ADGRB3: variants seen among roughly 807,000 people sequenced by gnomAD.
ADGRB3 encodes adhesion G protein-coupled receptor B3.
ADGRB3 carries 37 observed loss-of-function variants against 193.4 expected under a neutral mutation model. The ratio of observed to expected loss-of-function variants is 0.19; its 90% CI spans 0.15 to 0.25. The LOEUF (loss-of-function observed/expected upper bound fraction) is 0.25, where lower values mean the gene tolerates loss of function less well. Among genes scored for constraint, ADGRB3 ranks in the 10% least tolerant of loss-of-function variants. ADGRB3 has a pLI of 1.00. For missense variants in ADGRB3, 1,637 were observed against 1,852.9 expected, an observed-to-expected ratio of 0.88 and a Z score of 2.14; for synonymous variants, 690 against 644.2, an observed-to-expected ratio of 1.07 and a Z score of -1.08.
At chr6:68,738,142 G>T (rs988881515) in intron 3 of ADGRB3, among the ~76,000 whole-genome samples, 1 of 152,084 alleles carries the variant, frequency 6.6e-6, no homozygotes, top group Non-Finnish European at 1.5e-5. Context: ...AGAAGAAATG[G>T]CAAATGCAAA....
At chr6:68,793,997 T>C (rs1767160372) in intron 3 of ADGRB3, among the ~76,000 whole-genome samples, 2 of 152,188 alleles carry the variant, frequency 1.3e-5, no homozygotes, top group African/African-American at 4.8e-5. Flanking sequence ...TTTCCACTGC[T>C]GCTTTCTCAA....
chr6:68,651,516 T>C (rs529109978), intron 3 of ADGRB3, among the ~76,000 whole-genome samples: 7 of 152,310 alleles, frequency 4.6e-5, no homozygotes, highest in African/African-American at 1.7e-4. Context: ...TACATGTGCT[T>C]GCCTCTGGCC....
intron 17 of ADGRB3, among the ~76,000 whole-genome samples, chr6:69,094,760 T>C (rs777761041): frequency 7.2e-5 from 11 of 152,216 alleles, no homozygotes; most frequent in Non-Finnish European, 1.5e-4. Context: ...TCTAGTCAGA[T>C]AATGTCATTT....
chr6:69,389,355 C>A lies in ADGRB3; in HGVS notation c.*464C>A, dbSNP rs1298987692. The A allele has an allele frequency of 6.5e-6, 1 of 152,892 alleles. No individual in the cohort carries two copies. Among genetic ancestry groups the A allele is most frequent in the Non-Finnish European group, 1.5e-5 (1 of 68,262 alleles). 9.5% of individuals were successfully genotyped at this position (152,892 alleles called of 1,614,324 possible). A position where few individuals can be genotyped will look rare whatever the true frequency, so the allele number is the denominator to read the frequency against. On this transcript the variant is annotated 3_prime_UTR_variant, in exon 32 of 32. Transcript: ENST00000370598. ...GCTACATTCTTCATTGCTTTAAATG[C>A]AATAAAGTAATAATCTCACTTTTAT... is the stretch of plus-strand genomic sequence containing the variant.
Position 69,001,092 on chromosome 6 carries a change from G to A in ADGRB3, c.1929+7130G>A, listed in dbSNP as rs186548139. 4.0e-3 allele frequency among the ~76,000 whole-genome samples: 606 copies of A among 152,262 alleles called. 7 individuals are homozygous for A. Among genetic ancestry groups the A allele is most frequent in the Non-Finnish European group, 5.1e-3 (345 of 68,016 alleles). ...GCTATACTGGAGTGATATAAGTATA[G>A]CATGTTCCACTTCTATGAATTTTCG... On this transcript the variant is annotated intron_variant, in intron 11 of 31. Transcript: ENST00000370598.
chr6:68,900,636 A>T (rs904173461), intron 3 of ADGRB3, among the ~76,000 whole-genome samples: 2 of 152,154 alleles, frequency 1.3e-5, no homozygotes, highest in African/African-American at 4.8e-5. Context: ...ACAAAGTACC[A>T]TGGTGACAAG....
At chr6:68,698,429 GTT>G (rs1352730136) in intron 3 of ADGRB3, among the ~76,000 whole-genome samples, 1 of 151,956 alleles carries the variant, frequency 6.6e-6, no homozygotes, top group Admixed American at 6.6e-5. Context: ...ATGGGAATGA[GTT>G]TTTCAAAATA....
intron 30 of ADGRB3, among the ~76,000 whole-genome samples, chr6:69,375,619 GGTAAGTT>G (rs1286627366): frequency 6.6e-6 from 1 of 152,074 alleles, no homozygotes; most frequent in Non-Finnish European, 1.5e-5. Context: ...CAGACAATTA[GGTAAGTT>G]GTTCTAATCG....
chr6:69,135,564 T>C (rs144247861), intron 17 of ADGRB3, among the ~76,000 whole-genome samples: 17 of 152,200 alleles, frequency 1.1e-4, no homozygotes, highest in Non-Finnish European at 1.6e-4. Context: ...ATGGCATTTA[T>C]ACTTTTTATT....
intron 3 of ADGRB3, among the ~76,000 whole-genome samples, chr6:68,652,326 C>A (rs962427426): frequency 2.6e-5 from 4 of 152,240 alleles, no homozygotes; most frequent in African/African-American, 9.6e-5. Context: ...GTGAGACTCC[C>A]GCTTTCCCAC....
chr6:68,670,757 C>T (rs1009841659), intron 3 of ADGRB3, among the ~76,000 whole-genome samples: 5 of 151,780 alleles, frequency 3.3e-5, no homozygotes, highest in Non-Finnish European at 7.4e-5. Flanking sequence ...TTTGTGGTTC[C>T]ATACAAATTT....
At chr6:68,887,016 C>G (rs886786197) in intron 3 of ADGRB3, among the ~76,000 whole-genome samples, 22 of 151,502 alleles carry the variant, frequency 1.5e-4, no homozygotes, top group African/African-American at 4.6e-4. Flanking sequence ...TATTTGCATA[C>G]TCACCTAAAA....
intron 3 of ADGRB3, among the ~76,000 whole-genome samples, chr6:68,724,890 TAACAA>T (rs1765646560): frequency 6.6e-6 from 1 of 151,716 alleles, no homozygotes; most frequent in Non-Finnish European, 1.5e-5. Context: ...ACAAAGTTTA[TAACAA>T]AGGCATGTTT....
At chr6:69,388,398 A>G (rs1770118668) in intron 31 of ADGRB3, among the ~76,000 whole-genome samples, 1 of 152,052 alleles carries the variant, frequency 6.6e-6, no homozygotes. Flanking sequence ...ACTTCAACAT[A>G]TGGTCATACT....
intron 20 of ADGRB3, among the ~76,000 whole-genome samples, chr6:69,246,850 A>G (rs1440530569): frequency 6.6e-6 from 1 of 152,172 alleles, no homozygotes; most frequent in East Asian, 1.9e-4. Context: ...GTGAGAACTC[A>G]CTCAACAGGG....
intron 20 of ADGRB3, among the ~76,000 whole-genome samples, chr6:69,287,388 AAAAT>A (rs1405069033): frequency 6.6e-6 from 1 of 152,230 alleles, no homozygotes; most frequent in Non-Finnish European, 1.5e-5. Flanking sequence ...TTTTATTTAA[AAAAT>A]AACTTACACC....
chr6:68,944,290 C>T (rs961092505), intron 6 of ADGRB3, among the ~76,000 whole-genome samples: 1 of 152,046 alleles, frequency 6.6e-6, no homozygotes, highest in African/African-American at 2.4e-5. Context: ...GGGAAAATTA[C>T]AAGGAATCCT....
intron 3 of ADGRB3, among the ~76,000 whole-genome samples, chr6:68,705,140 T>C (rs1765303317): frequency 6.6e-6 from 1 of 152,192 alleles, no homozygotes; most frequent in Admixed American, 6.5e-5. Flanking sequence ...TTGTAGTCAT[T>C]CCCTTCCCTC....
At chr6:68,836,699 G>A (rs910696629) in intron 3 of ADGRB3, among the ~76,000 whole-genome samples, 1 of 152,102 alleles carries the variant, frequency 6.6e-6, no homozygotes, top group South Asian at 2.1e-4. Flanking sequence ...ACTTAGAAGT[G>A]AAACGTTGGC....
Sources: gnomAD v4.1 joint callset for allele counts (sites outside exome capture counted in the v4.1 genomes callset) on GRCh38, gnomAD v4.1.1 for gene constraint, MANE v1.5 for transcripts, NCBI Gene and HGNC (gene_info 2026-07-23, HGNC 2026-07-21) for gene names.